The following TM9SF3 variants were observed in gnomAD, a reference collection of about 807,000 sequenced individuals.
TM9SF3 encodes the protein transmembrane 9 superfamily member 3, also known as SM-11044-binding protein.
TM9SF3 carries 14 observed loss-of-function variants against 78.6 expected under a neutral mutation model. The observed-to-expected ratio is 0.18, with a 90% CI of 0.12 to 0.28. TM9SF3 has a LOEUF of 0.28. TM9SF3 is among the 10% of genes least tolerant of loss of function. The probability of loss-of-function intolerance (pLI) is 1.00; values close to 1 mark genes in which losing one functional copy is unlikely to be tolerated. For synonymous variants in TM9SF3, 231 were observed against 241.7 expected (o/e 0.96, Z 0.41); for missense variants, 496 against 721.9 (o/e 0.69, Z 3.59).
chr10:96,544,951 A>AT (rs1254427781), intron 8 of TM9SF3, among the ~76,000 whole-genome samples: 9 of 148,864 alleles, frequency 6.0e-5, no homozygotes, highest in African/African-American at 2.1e-4. Flanking sequence ...ACGTTTGAAA[A>AT]GAAAAAAAAC....
chr10:96,586,883 GCCGCCGCCTCCT>G lies in TM9SF3; in HGVS notation c.-60_-49del. 2.1e-6 allele frequency: 2 copies of G among 974,874 alleles called. No homozygotes were observed. Among genetic ancestry groups the G allele is most frequent in the African/African-American group, 1.8e-5 (1 of 55,244 alleles). The allele number at this position is 974,874 out of a possible 1,614,324, so 60.4% of individuals were successfully genotyped here. A position where few individuals can be genotyped will look rare whatever the true frequency, so the allele number is the denominator to read the frequency against. On this transcript the variant is annotated 5_prime_UTR_variant, in exon 1 of 15. Coordinates refer to ENST00000371142, the MANE Select transcript of TM9SF3 (RefSeq NM_020123.4). Reference sequence around the variant, plus strand: ...AGCCGGCTCACCGACTCCTCCTCCCGCCGCCGCCTCCTCCGCCGCCGCCGCCTCCGCCGCGGC... The same window carrying G: ...AGCCGGCTCACCGACTCCTCCTCCCGCCGCCGCCGCCGCCTCCGCCGCGGC...
rs190081616 is a variant in TM9SF3, at chr10:96,519,049, T to C, written c.*3214A>G. On this transcript the variant is annotated 3_prime_UTR_variant, in exon 15 of 15. Transcript: ENST00000371142. ...GGGTCTCCCCACCACAGAATTCATA[T>C]ACAAAAGCCCTTCGGTATGTAGCTT... 1 of 152,216 alleles carries C rather than the reference T, an allele frequency of 6.6e-6. No individual in the cohort carries two copies. The highest frequency in any genetic ancestry group is 1.9e-4 in the East Asian group (1 of 5,188). The allele number at this position is 152,216 out of a possible 1,614,324, so 9.4% of individuals were successfully genotyped here. A position where few individuals can be genotyped will look rare whatever the true frequency, so the allele number is the denominator to read the frequency against.
rs530382500 is a variant in TM9SF3 at position 96,519,101 on chromosome 10, T to A, written c.*3162A>T. 1.8e-4 allele frequency: 27 copies of A among 152,202 alleles called. 1 individual carries two copies. In the East Asian group the frequency reaches 5.2e-3, roughly 29 times the overall value. The allele number at this position is 152,202 out of a possible 1,614,324, so 9.4% of individuals were successfully genotyped here. On this transcript the variant is annotated 3_prime_UTR_variant, in exon 15 of 15. Coordinates refer to ENST00000371142, the MANE Select transcript of TM9SF3 (RefSeq NM_020123.4). ...TCCTGAACAAATACATTAATACACT[T>A]TTTGTTTTTTACATTTGTAAAAATT... is the stretch of plus-strand genomic sequence containing the variant.
rs1847851532 is a variant in TM9SF3 at position 96,527,455 on chromosome 10, T to A, written c.1583A>T (p.Tyr528Phe). 17 of 1,611,324 alleles carry A rather than the reference T, an allele frequency of 1.1e-5. No individual in the cohort carries two copies. Among genetic ancestry groups the A allele is most frequent in the Non-Finnish European group, 1.4e-5 (17 of 1,178,532 alleles). ...GTAGTAAAAGGAATACATGTAAACATAGATTGCAGTTGATGCAGCAGAGAG... is the reference window on the plus strand; with the variant it reads ...GTAGTAAAAGGAATACATGTAAACAAAGATTGCAGTTGATGCAGCAGAGAG... ...SFLSAASTAI[Y>F]VYMYSFYYYF... The change falls in exon 13 of 15, where the codon TAT (tyrosine) becomes TTT (phenylalanine). Residue 528 changes from tyrosine (Y) to phenylalanine (F), a missense_variant. Physicochemically the swap from Tyr to Phe is conservative, Grantham distance 22. Around this residue, in one of 4 missense-constraint regions of TM9SF3, gnomAD observed 280 missense variants for 422.6 expected, o/e 0.66. Transcript: ENST00000371142.
At position 96,547,988 on chromosome 10, in the gene TM9SF3, T is replaced by C; in HGVS notation, c.961A>G (p.Arg321Gly). 1 of 1,578,492 alleles carries C rather than the reference T, an allele frequency of 6.3e-7. No individual in the cohort carries two copies. The highest frequency in any genetic ancestry group is 1.9e-5 in the Admixed American group (1 of 51,934). Residue 321 changes from arginine (R) to glycine (G), a missense_variant and splice_region_variant, in exon 8 of 15, where the codon AGG becomes GGG. Physicochemically the swap from Arg to Gly is moderately radical, Grantham distance 125. Around this residue, in one of 4 missense-constraint regions of TM9SF3, gnomAD observed 280 missense variants for 422.6 expected, o/e 0.66. Coordinates refer to ENST00000371142, the MANE Select transcript of TM9SF3 (RefSeq NM_020123.4). ...ATGGCTGTACTGAGCATTGATCCCC[T>C]CCTAAAAAGGCAAAAAAGAAAAAAA... The part of the protein sequence containing the change: ...VAMIEDLYTE[R>G]GSMLSTAIFV...
intron 9 of TM9SF3, among the ~76,000 whole-genome samples, chr10:96,534,374 T>C (rs916786304): frequency 2.0e-5 from 3 of 152,222 alleles, no homozygotes; most frequent in Non-Finnish European, 4.4e-5. Context: ...TATGCTCATA[T>C]TAAAATACGT....
In TM9SF3 at chr10:96,559,563, G is replaced by T. The variant is rs1160202987; in HGVS notation, c.660+96C>A. The T allele has an allele frequency of 5.0e-6, 4 of 793,552 alleles. No homozygotes were observed. In the African/African-American group the frequency reaches 7.1e-5, roughly 14 times the overall value. The allele number at this position is 793,552 out of a possible 1,614,324, so 49.2% of individuals were successfully genotyped here. ...CATTAGCTAAATCTTTTAATCCACA[G>T]TCCTCAACACAGTGCCCTGCAAATG... On this transcript the variant is annotated intron_variant, in intron 5 of 14. Transcript: ENST00000371142.
chr10:96,583,162 T>C (rs1036976825), intron 1 of TM9SF3, among the ~76,000 whole-genome samples: 2 of 151,680 alleles, frequency 1.3e-5, no homozygotes, highest in Admixed American at 1.3e-4. Flanking sequence ...ACCTGAATCC[T>C]AATTCAGTAG....
At chr10:96,562,178 T>A in intron 3 of TM9SF3, 40 bp from the exon 4 acceptor site, 1 of 1,424,456 alleles carries the variant, frequency 7.0e-7, no homozygotes, top group South Asian at 1.3e-5. Context: ...TAAAACCACT[T>A]AATATTTAAA....
chr10:96,569,100 G>A (rs1487892713), intron 2 of TM9SF3, among the ~76,000 whole-genome samples: 2 of 152,152 alleles, frequency 1.3e-5, no homozygotes, highest in Non-Finnish European at 2.9e-5. Context: ...AGGCCGGGGA[G>A]GTCGAGGCTG....
rs974838283 is a variant in TM9SF3, at chr10:96,519,401, C to A, written c.*2862G>T. 7 of 151,934 alleles carry A rather than the reference C, an allele frequency of 4.6e-5. No homozygotes were observed. Among genetic ancestry groups the A allele is most frequent in the Admixed American group, 3.3e-4 (5 of 15,248 alleles). The allele number at this position is 151,934 out of a possible 1,614,324, so 9.4% of individuals were successfully genotyped here. On this transcript the variant is annotated 3_prime_UTR_variant, in exon 15 of 15. Transcript: ENST00000371142. ...GTTTGATTTATGGGCAACCCCAGTA[C>A]AATCTAGGAGCCCAACATGATGAAA...
chr10:96,543,954 G>A (rs1359534743), intron 9 of TM9SF3, 122 bp downstream of exon 9: 26 of 1,023,926 alleles, frequency 2.5e-5, no homozygotes, highest in Non-Finnish European at 3.4e-5. Flanking sequence ...AACTTTCCAG[G>A]ACTGAGTATG....
chr10:96,539,482 T>C (rs1301569626), intron 9 of TM9SF3, among the ~76,000 whole-genome samples: 1 of 152,128 alleles, frequency 6.6e-6, no homozygotes, highest in Non-Finnish European at 1.5e-5. Context: ...AATTACACTA[T>C]GATAAGAGAG....
intron 1 of TM9SF3, among the ~76,000 whole-genome samples, chr10:96,579,623 T>C (rs1589465273): frequency 1.3e-5 from 2 of 152,214 alleles, no homozygotes; most frequent in African/African-American, 4.8e-5. Context: ...AAAATTTATA[T>C]CATTTTGTAG....
intron 2 of TM9SF3, among the ~76,000 whole-genome samples, chr10:96,568,402 T>C (rs1336264906): frequency 1.3e-5 from 2 of 152,250 alleles, no homozygotes; most frequent in South Asian, 2.1e-4. Flanking sequence ...ATTTTACTAA[T>C]GTAAATAGTT....
chr10:96,529,203 C>CA (rs1478657035), intron 11 of TM9SF3, among the ~76,000 whole-genome samples: 1 of 152,162 alleles, frequency 6.6e-6, no homozygotes, highest in Non-Finnish European at 1.5e-5. Context: ...TACAGAGACA[C>CA]ACACTCCAAC....
chr10:96,571,779 T>G lies in TM9SF3; in HGVS notation c.298+4855A>C, dbSNP rs188884097. 2.1e-3 allele frequency among the ~76,000 whole-genome samples: 325 copies of G among 152,294 alleles called. 4 individuals are homozygous for G. Among genetic ancestry groups the G allele is most frequent in the African/African-American group, 7.6e-3 (315 of 41,574 alleles). On this transcript the variant is annotated intron_variant, in intron 2 of 14. Transcript: ENST00000371142. ...AGAAAAAAATTCAAGGGAAGATCGATAAAATAAACAGAAGGAAGGAGTCCT... is the reference window on the plus strand; with the variant it reads ...AGAAAAAAATTCAAGGGAAGATCGAGAAAATAAACAGAAGGAAGGAGTCCT...
chr10:96,578,467 A>G (rs1848522840), intron 1 of TM9SF3, among the ~76,000 whole-genome samples: 2 of 152,262 alleles, frequency 1.3e-5, no homozygotes, highest in African/African-American at 4.8e-5. Flanking sequence ...GTCAGGACGA[A>G]TAACAATTTG....
chr10:96,524,651 T>C (rs1225317180), intron 14 of TM9SF3, among the ~76,000 whole-genome samples: 9 of 151,890 alleles, frequency 5.9e-5, no homozygotes, highest in Non-Finnish European at 1.5e-5. Flanking sequence ...ATAATAGAGG[T>C]GCACTTTTAA....
Sources: gnomAD v4.1 joint callset for allele counts (sites outside exome capture counted in the v4.1 genomes callset) on GRCh38, gnomAD v4.1.1 for gene constraint, gnomAD v4.1.1 regional missense constraint, MANE v1.5 for transcripts, NCBI Gene and HGNC (gene_info 2026-07-23, HGNC 2026-07-21) for gene names.